The following DNAH2 variants were observed in gnomAD, a reference collection of about 807,000 sequenced individuals.
The protein encoded by DNAH2 is axonemal beta dynein heavy chain 2.
DNAH2 carries 323 observed loss-of-function variants against 523.5 expected under a neutral mutation model. The ratio of observed to expected loss-of-function variants is 0.62; its 90% CI spans 0.56 to 0.68. The LOEUF (loss-of-function observed/expected upper bound fraction) is 0.68. Ranked by LOEUF, DNAH2 falls within the 30% of genes least tolerant of loss-of-function variation. DNAH2 has a pLI of 0.00. For synonymous variants in DNAH2, 2,093 were observed against 2,177.4 expected, an observed-to-expected ratio of 0.96 and a Z score of 1.08; for missense variants, 4,907 against 5,701.5, an observed-to-expected ratio of 0.86 and a Z score of 4.49.
Position 7,780,042 on chromosome 17 carries a change from A to T in DNAH2, c.5723-115A>T. The T allele has an allele frequency of 7.2e-7, 1 of 1,384,678 alleles. No individual in the cohort carries two copies. The highest frequency in any genetic ancestry group is 9.9e-7 in the Non-Finnish European group (1 of 1,014,796). 85.8% of individuals were successfully genotyped at this position (1,384,678 alleles called of 1,614,324 possible). ...AGGATGTGGTCTTGGAGTTGGAGAG[A>T]AAGTTAGGGATGGAGTTAGGGTGGG... On this transcript the variant is annotated intron_variant, in intron 36 of 85. Transcript: ENST00000572933. The surrounding 1 kb of genome is among the most constrained non-coding windows in gnomAD (Gnocchi z 4.4).
At chr17:7,792,150 T>C (rs1406635531) in intron 45 of DNAH2, 81 bp downstream of exon 45, 2 of 1,600,690 alleles carry the variant, frequency 1.2e-6, no homozygotes, top group Non-Finnish European at 1.7e-6. Context: ...TCTGCTTGGG[T>C]TTCCCTCTCT....
rs1199523908 is a variant in DNAH2, at chr17:7,830,845, G to C, written c.12230+3G>C. ...TCTCTATCAACTCCCTTCCACCGGT[G>C]AGGGGGAGGTGGCCCTGGACAGGGA... is the stretch of plus-strand genomic sequence containing the variant. On this transcript the variant is annotated splice_donor_region_variant and intron_variant, in intron 79 of 85. Transcript: ENST00000572933. 1 of 1,613,812 alleles carries C rather than the reference G, an allele frequency of 6.2e-7. No individual in the cohort carries two copies. The highest frequency in any genetic ancestry group is 8.5e-7 in the Non-Finnish European group (1 of 1,179,992).
chr17:7,775,021 G>T (rs1194055380), intron 29 of DNAH2, 45 bp downstream of exon 29: 2 of 1,587,914 alleles, frequency 1.3e-6, no homozygotes, highest in East Asian at 2.2e-5. Flanking sequence ...GCGAAGGGAG[G>T]GTGTTGGGGT....
At chr17:7,816,005 C>T (rs549542491) in intron 63 of DNAH2, among the ~76,000 whole-genome samples, 2 of 152,098 alleles carry the variant, frequency 1.3e-5, no homozygotes, top group African/African-American at 2.4e-5. Context: ...CTCACCATGT[C>T]GCCAGGCTGG....
chr17:7,732,433 T>C lies in DNAH2; in HGVS notation c.400-654T>C, dbSNP rs1382258855. On this transcript the variant is annotated intron_variant, in intron 4 of 85. Coordinates refer to ENST00000572933, the MANE Select transcript of DNAH2 (RefSeq NM_020877.5). The stretch of plus-strand genomic sequence containing the variant: ...CTGAGTGACAAAGCAAGACTCCATC[T>C]CAAAAAAAAAAAAAAAAAAAAAAAA... Among the ~76,000 whole-genome samples the C allele has an allele frequency of 3.0e-3, 153 of 51,728 alleles. 1 individual carries two copies. Among genetic ancestry groups the C allele is most frequent in the African/African-American group, 0.013 (149 of 11,610 alleles). The allele number at this position is 51,728 out of a possible 152,430, so 33.9% of individuals were successfully genotyped here. A position where few individuals can be genotyped will look rare whatever the true frequency, so the allele number is the denominator to read the frequency against.
chr17:7,788,860 G>A (rs1242123262), intron 44 of DNAH2, among the ~76,000 whole-genome samples: 3 of 152,284 alleles, frequency 2.0e-5, no homozygotes, highest in East Asian at 3.9e-4. Flanking sequence ...TACAGTTAAT[G>A]TAAATTAAAA....
In DNAH2 at chr17:7,791,946, C is replaced by T. The variant is rs1213020866; in HGVS notation, c.6930C>T (p.Val2310=). Residue 2310 remains valine, a synonymous_variant, in exon 45 of 86, where the codon GTC becomes GTT. Transcript: ENST00000572933. ...ACCCAGCTGACGGCGAGAACTATGT[C>T]ACCATGGTAGAGATGACATTTGTGT... ...GVNPADGENY[V]TMVEMTFVFS... 1 of 1,613,908 alleles carries T rather than the reference C, an allele frequency of 6.2e-7. No individual in the cohort carries two copies. Among genetic ancestry groups the T allele is most frequent in the African/African-American group, 1.3e-5 (1 of 74,988 alleles).
At chr17:7,723,080 C>T (rs2074673757) in intron 2 of DNAH2, among the ~76,000 whole-genome samples, 1 of 150,528 alleles carries the variant, frequency 6.6e-6, no homozygotes, top group African/African-American at 2.4e-5. Flanking sequence ...CGCCATTCTC[C>T]TGCCTCAGCC....
chr17:7,818,374 T>C lies in DNAH2; in HGVS notation c.10450T>C (p.Tyr3484His). 1 of 1,614,208 alleles carries C rather than the reference T, an allele frequency of 6.2e-7. No individual in the cohort carries two copies. Among genetic ancestry groups the C allele is most frequent in the South Asian group, 1.1e-5 (1 of 91,084 alleles). ...GGAATATAATACCAATTTCCGTTTC[T>C]ACATCACCACCAAGCTCTCCAACCC... ...EVEYNTNFRF[Y>H]ITTKLSNPHY... The change falls in exon 69 of 86, where the codon TAC becomes CAC. Residue 3484 changes from tyrosine to histidine, a missense_variant. By Grantham distance (83) the Tyr-to-His change is moderately conservative (BLOSUM62 2). Around this residue, in one of 3 missense-constraint regions of DNAH2, gnomAD observed 1,851 missense variants for 2,139.4 expected, o/e 0.87. Coordinates refer to ENST00000572933, the MANE Select transcript of DNAH2 (RefSeq NM_020877.5).
At chr17:7,770,141 T>G in intron 24 of DNAH2, 111 bp from the exon 25 acceptor site, 44 of 1,392,518 alleles carry the variant, frequency 3.2e-5, no homozygotes, top group Non-Finnish European at 3.5e-5. Context: ...TTTAGCAAAA[T>G]GAGTTGAATC....
At chr17:7,804,544 C>G in intron 59 of DNAH2, 78 bp downstream of exon 59, 1 of 1,508,298 alleles carries the variant, frequency 6.6e-7, no homozygotes, top group Non-Finnish European at 9.0e-7. Flanking sequence ...ATGTTCCCCC[C>G]TTCTTAAATT....
chr17:7,792,506 G>A, intron 46 of DNAH2, 151 bp from the exon 47 acceptor site: 1 of 960,478 alleles, frequency 1.0e-6, no homozygotes. Context: ...TAGAGGGCTT[G>A]GGACAGGGTC....
At chr17:7,721,210 G>C (rs12150194) in intron 2 of DNAH2, among the ~76,000 whole-genome samples, 1 of 151,730 alleles carries the variant, frequency 6.6e-6, no homozygotes, top group Non-Finnish European at 1.5e-5. Flanking sequence ...GTCTCTCTCA[G>C]TTGCCAAGGC....
chr17:7,734,642 A>T lies in DNAH2; in HGVS notation c.912A>T (p.Glu304Asp), dbSNP rs769804134. ...TGAAGAAGGGAGTGAAGCACGTTGA[A>T]TCCATCCTGCACCTTGCCAAGTCGT... ...QLVKKGVKHVESILHLAKSSY... is the reference protein window; with the variant it reads ...QLVKKGVKHVDSILHLAKSSY... The change falls in exon 7 of 86, where the codon GAA (glutamate) becomes GAT (aspartate). Residue 304 changes from glutamate to aspartate, a missense_variant. Coordinates refer to ENST00000572933, the MANE Select transcript of DNAH2 (RefSeq NM_020877.5). The T allele has an allele frequency of 5.0e-6, 8 of 1,612,910 alleles. No individual in the cohort carries two copies. In the African/African-American group the frequency reaches 8.0e-5, roughly 16 times the overall value.
At position 7,727,159 on chromosome 17, in the gene DNAH2, T is replaced by A; in HGVS notation, c.266T>A (p.Leu89Gln). ...LFLSRAALTGLADAVWTQEHD... is the reference protein window; with the variant it reads ...LFLSRAALTGQADAVWTQEHD... ...CTTTCCCGAGCTGCGCTGACAGGAC[T>A]GGCGGATGCAGTGTGGACACAGGAG... The change falls in exon 4 of 86, where the codon CTG becomes CAG. Residue 89 changes from leucine (L) to glutamine (Q), a missense_variant. By Grantham distance (113) the Leu-to-Gln change is moderately radical. Coordinates refer to ENST00000572933, the MANE Select transcript of DNAH2 (RefSeq NM_020877.5). The A allele has an allele frequency of 6.3e-7, 1 of 1,596,002 alleles. No individual in the cohort carries two copies. Among genetic ancestry groups the A allele is most frequent in the Non-Finnish European group, 8.5e-7 (1 of 1,173,692 alleles).
Position 7,823,447 on chromosome 17 carries a change from G to C in DNAH2, c.11148G>C (p.Leu3716Phe), listed in dbSNP as rs139424369. ...TCCTCCCCTTCTCCCACCAGGTCTT[G>C]GATCGGGAGGGCCAAATGGACAATC... is the stretch of plus-strand genomic sequence containing the variant. ...YNFFLRGGVV[L>F]DREGQMDNPC... The change falls in exon 74 of 86, where the codon TTG becomes TTC. Residue 3716 changes from leucine (L) to phenylalanine (F), a missense_variant. Transcript: ENST00000572933. The C allele has an allele frequency of 6.2e-7, 1 of 1,613,364 alleles. No individual in the cohort carries two copies. Among genetic ancestry groups the C allele is most frequent in the Admixed American group, 1.7e-5 (1 of 59,898 alleles).
At chr17:7,759,203 C>T (rs1346983052) in intron 15 of DNAH2, 79 bp downstream of exon 15, 10 of 1,578,504 alleles carry the variant, frequency 6.3e-6, no homozygotes, top group African/African-American at 2.7e-5. Flanking sequence ...TCTTGCTCCC[C>T]GACCCTTTTT....
chr17:7,755,016 G>T, intron 12 of DNAH2: 1 of 378,966 alleles, frequency 2.6e-6, no homozygotes, highest in Admixed American at 4.1e-5. Flanking sequence ...TTAGCCTTGG[G>T]TGGGAGGAGG....
chr17:7,816,493 T>C, intron 63 of DNAH2, 78 bp from the exon 64 acceptor site: 2 of 1,530,338 alleles, frequency 1.3e-6, no homozygotes, highest in Non-Finnish European at 1.8e-6. Flanking sequence ...AGCTACAAAA[T>C]GGCAGAGTCA....
Sources: allele counts gnomAD v4.1 joint callset (sites outside exome capture counted in the v4.1 genomes callset), GRCh38; gene constraint gnomAD v4.1.1; regional missense constraint gnomAD v4.1.1; non-coding constraint Gnocchi (gnomAD v3.1); transcripts MANE v1.5; gene names NCBI Gene and HGNC (gene_info 2026-07-23, HGNC 2026-07-21).